Variants in AFAP1 observed in about 807,000 individuals in gnomAD.
The protein encoded by AFAP1 is actin filament-associated protein 1.
A neutral mutation model predicts 93.9 loss-of-function variants in AFAP1; 75 were observed. That is an observed-to-expected ratio of 0.80 (90% CI 0.66 to 0.97). AFAP1 has a LOEUF of 0.97. AFAP1 is among the 50% of genes least tolerant of loss of function. The pLI, the probability that AFAP1 is intolerant of heterozygous loss-of-function variation, is 0.00. For missense variants in AFAP1, 1,201 were observed against 1,050.8 expected, an observed-to-expected ratio of 1.14 and a Z score of -1.98; for synonymous variants, 517 against 430.7, an observed-to-expected ratio of 1.20 and a Z score of -2.48.
chr4:7,895,910 G>A (rs1301994309), intron 1 of AFAP1, among the ~76,000 whole-genome samples: 1 of 146,456 alleles, frequency 6.8e-6, no homozygotes, highest in Non-Finnish European at 1.5e-5. Flanking sequence ...CCAGGCTGGA[G>A]TGCAGTGGCG....
intron 4 of AFAP1, among the ~76,000 whole-genome samples, chr4:7,845,253 T>C (rs1005185920): frequency 6.6e-6 from 1 of 151,470 alleles, no homozygotes; most frequent in African/African-American, 2.4e-5. Context: ...CGAGACCCTA[T>C]CTCTATAAAA....
At chr4:7,831,205 T>G (rs899379234) in intron 6 of AFAP1, among the ~76,000 whole-genome samples, 1 of 152,144 alleles carries the variant, frequency 6.6e-6, no homozygotes, top group African/African-American at 2.4e-5. Context: ...ATTCTGTAAC[T>G]GCTTGAAACT....
At position 7,759,009 on chromosome 4, in the gene AFAP1, T is replaced by C. The variant is rs1004405770; in HGVS notation, c.*4756A>G. 6.6e-6 allele frequency: 1 copy of C among 152,648 alleles called. No homozygotes were observed. Among genetic ancestry groups the C allele is most frequent in the African/African-American group, 2.4e-5 (1 of 41,472 alleles). 9.5% of individuals were successfully genotyped at this position (152,648 alleles called of 1,614,324 possible). Reference sequence around the variant, plus strand: ...AATCTTTGCTGTTTCTTTGCCTGTTTCTTTCAAAGAGAATTTTAAATATGA... The same window carrying C: ...AATCTTTGCTGTTTCTTTGCCTGTTCCTTTCAAAGAGAATTTTAAATATGA... On this transcript the variant is annotated 3_prime_UTR_variant, in exon 18 of 18. Transcript: ENST00000420658.
At chr4:7,911,909 T>C (rs1719753507) in intron 1 of AFAP1, among the ~76,000 whole-genome samples, 1 of 152,224 alleles carries the variant, frequency 6.6e-6, no homozygotes, top group Non-Finnish European at 1.5e-5. Context: ...GGAAAGATTG[T>C]TCCAATGGCA....
intron 1 of AFAP1, 51 bp from the exon 2 acceptor site, chr4:7,872,131 C>A: frequency 6.2e-7 from 1 of 1,605,042 alleles, no homozygotes; most frequent in South Asian, 1.1e-5. Flanking sequence ...TTGCAAATGT[C>A]AAAGTATGAA....
intron 1 of AFAP1, among the ~76,000 whole-genome samples, chr4:7,898,848 ATATATGTATGTG>A (rs529348990): frequency 1.5e-3 from 138 of 94,342 alleles, no homozygotes; most frequent in African/African-American, 5.2e-3. Flanking sequence ...TCTATTTCAT[ATATATGTATGTG>A]TATATATATG....
chr4:7,807,812 C>T (rs1011090308), intron 9 of AFAP1, among the ~76,000 whole-genome samples: 1 of 152,210 alleles, frequency 6.6e-6, no homozygotes, highest in African/African-American at 2.4e-5. Context: ...CCTGTCCTCC[C>T]TTCAAGACAG....
At chr4:7,884,323 G>A (rs1718022934) in intron 1 of AFAP1, among the ~76,000 whole-genome samples, 1 of 152,106 alleles carries the variant, frequency 6.6e-6, no homozygotes, top group Admixed American at 6.5e-5. Flanking sequence ...ATGCAAGATA[G>A]GCCTAACCCG....
chr4:7,876,134 T>C (rs1016406404), intron 1 of AFAP1, among the ~76,000 whole-genome samples: 4 of 152,224 alleles, frequency 2.6e-5, no homozygotes, highest in African/African-American at 9.6e-5. Flanking sequence ...TGGAACTATC[T>C]GAAGAGAACC....
chr4:7,773,454 C>A (rs984088522), intron 15 of AFAP1: 1 of 165,750 alleles, frequency 6.0e-6, no homozygotes, highest in Non-Finnish European at 1.3e-5. Context: ...GGACATGGCA[C>A]ACATTTCTTT....
intron 1 of AFAP1, among the ~76,000 whole-genome samples, chr4:7,935,655 C>T (rs1259872940): frequency 1.3e-5 from 2 of 152,242 alleles, no homozygotes; most frequent in Non-Finnish European, 1.5e-5. Flanking sequence ...AAAGAGAAGT[C>T]GCATCAGTCC....
rs117378751 is a variant in AFAP1 at position 7,907,980 on chromosome 4, G to C, written c.-3+31676C>G. 3.5e-4 allele frequency among the ~76,000 whole-genome samples: 53 copies of C among 152,298 alleles called. 1 individual carries two copies. The East Asian group carries it at 9.8e-3, about 28-fold the overall frequency. ...TAATCCCAGAACTCTGGAAGGCTGA[G>C]GCGGGAGGATCACCTGATGTCAGAC... On this transcript the variant is annotated intron_variant, in intron 1 of 17. Transcript: ENST00000420658.
At chr4:7,802,588 T>C (rs1483983422) in intron 9 of AFAP1, among the ~76,000 whole-genome samples, 1 of 152,186 alleles carries the variant, frequency 6.6e-6, no homozygotes, top group African/African-American at 2.4e-5. Context: ...CATTACTATT[T>C]TTGTTCTGCA....
chr4:7,884,613 TG>T (rs1166129516), intron 1 of AFAP1, among the ~76,000 whole-genome samples: 1 of 152,124 alleles, frequency 6.6e-6, no homozygotes, highest in Non-Finnish European at 1.5e-5. Flanking sequence ...TAACTGGGGT[TG>T]GGACAACTGG....
At chr4:7,836,717 G>T (rs886275172) in intron 6 of AFAP1, among the ~76,000 whole-genome samples, 90 of 152,104 alleles carry the variant, frequency 5.9e-4, no homozygotes, top group African/African-American at 2.1e-3. Context: ...CAAAGTGCTG[G>T]GATTACAGGC....
At chr4:7,858,659 G>A (rs1420498028) in intron 3 of AFAP1, among the ~76,000 whole-genome samples, 1 of 152,170 alleles carries the variant, frequency 6.6e-6, no homozygotes, top group East Asian at 1.9e-4. Context: ...CAGGAAATAA[G>A]AGAGTCTGGC....
At chr4:7,933,827 G>A (rs1290612726) in intron 1 of AFAP1, among the ~76,000 whole-genome samples, 9 of 152,192 alleles carry the variant, frequency 5.9e-5, no homozygotes, top group Admixed American at 5.9e-4. Context: ...TCTCCAGTGA[G>A]GAATGCAGCC....
At chr4:7,918,046 A>C (rs546504256) in intron 1 of AFAP1, among the ~76,000 whole-genome samples, 1 of 152,376 alleles carries the variant, frequency 6.6e-6, no homozygotes, top group South Asian at 2.1e-4. Context: ...CCCAGAAAAG[A>C]ACTAGTGCAC....
chr4:7,871,466 T>C (rs1447342829), intron 2 of AFAP1, among the ~76,000 whole-genome samples: 1 of 152,192 alleles, frequency 6.6e-6, no homozygotes, highest in Admixed American at 6.5e-5. Flanking sequence ...TGAATGGAAA[T>C]GTCGCACAGA....
Sources: allele counts gnomAD v4.1 joint callset (sites outside exome capture counted in the v4.1 genomes callset), GRCh38; gene constraint gnomAD v4.1.1; transcripts MANE v1.5; gene names NCBI Gene and HGNC (gene_info 2026-07-23, HGNC 2026-07-21).